The following APP variants were observed in gnomAD, a reference collection of about 807,000 sequenced individuals.
The protein encoded by APP is amyloid beta precursor protein.
APP carries 31 observed loss-of-function variants against 101.4 expected under a neutral mutation model. The observed-to-expected ratio is 0.31, with a 90% CI of 0.23 to 0.41. The LOEUF (loss-of-function observed/expected upper bound fraction) is 0.41. Among genes scored for constraint, APP ranks in the 10% least tolerant of loss-of-function variants. APP has a pLI of 1.00. For missense variants in APP, 839 were observed against 1,003.7 expected (o/e 0.84, Z 2.22); for synonymous variants, 366 against 364.4 (o/e 1.00, Z -0.05).
intron 16 of APP, among the ~76,000 whole-genome samples, chr21:25,895,171 A>G (rs566091256): frequency 7.3e-6 from 1 of 136,608 alleles, no homozygotes; most frequent in East Asian, 2.0e-4. Context: ...TAGTGTAAAT[A>G]CAAACTTTTT....
intron 1 of APP, among the ~76,000 whole-genome samples, chr21:26,115,161 C>A (rs1394178011): frequency 6.6e-6 from 1 of 152,062 alleles, no homozygotes; most frequent in Non-Finnish European, 1.5e-5. Flanking sequence ...AAGTGGAGAT[C>A]ATTTAATAAT....
intron 6 of APP, among the ~76,000 whole-genome samples, chr21:26,001,997 A>G (rs183078447): frequency 6.6e-6 from 1 of 152,362 alleles, no homozygotes; most frequent in East Asian, 1.9e-4. Context: ...AGTAGATGGG[A>G]TACTTACGTC....
At chr21:26,034,728 G>A (rs1465425994) in intron 5 of APP, among the ~76,000 whole-genome samples, 1 of 151,788 alleles carries the variant, frequency 6.6e-6, no homozygotes, top group Non-Finnish European at 1.5e-5. Context: ...TGACTAGAGA[G>A]ACCAATCAGG....
At chr21:25,976,094 G>T in intron 9 of APP, 66 bp from the exon 10 acceptor site, 2 of 1,295,000 alleles carry the variant, frequency 1.5e-6, no homozygotes, top group South Asian at 1.2e-5. Flanking sequence ...GACTTAATAG[G>T]ATGGATGATT....
intron 13 of APP, among the ~76,000 whole-genome samples, chr21:25,944,749 C>T (rs2040732317): frequency 6.6e-6 from 1 of 152,140 alleles, no homozygotes; most frequent in Non-Finnish European, 1.5e-5. Flanking sequence ...AAGGCAGATG[C>T]TTGTGAAAAA....
In APP at chr21:26,053,275, A is replaced by G. The variant is rs774664312; in HGVS notation, c.429T>C (p.Val143=). The G allele has an allele frequency of 3.1e-6, 5 of 1,613,992 alleles. No homozygotes were observed. The highest frequency in any genetic ancestry group is 4.2e-6 in the Non-Finnish European group (5 of 1,179,882). The change falls in exon 4 of 18, where the codon GTT becomes GTC. Residue 143 remains valine, a synonymous_variant. Transcript: ENST00000346798. ...TGTGCCAGTGAAGATGAGTTTCGCA[A>G]ACATCCATCCTCTCCTGGTGTAAGA... ...CKFLHQERMD[V]CETHLHWHTV...
At chr21:26,012,558 A>G (rs1479938380) in intron 6 of APP, among the ~76,000 whole-genome samples, 5 of 152,200 alleles carry the variant, frequency 3.3e-5, no homozygotes, top group Non-Finnish European at 5.9e-5. Context: ...TTAGGCTGTA[A>G]GCCACTCTGC....
chr21:26,062,345 G>GA (rs879587172), intron 3 of APP, among the ~76,000 whole-genome samples: 259 of 144,544 alleles, frequency 1.8e-3, no homozygotes, highest in African/African-American at 5.3e-3. Context: ...AAAGAGAAAA[G>GA]AAAAAAAAAA....
chr21:26,011,304 G>T (rs1382126559), intron 6 of APP, among the ~76,000 whole-genome samples: 1 of 152,006 alleles, frequency 6.6e-6, no homozygotes, highest in African/African-American at 2.4e-5. Flanking sequence ...TCAAACTCCT[G>T]ATCTCAAGTA....
intron 13 of APP, among the ~76,000 whole-genome samples, chr21:25,937,352 C>T (rs753617763): frequency 4.6e-5 from 7 of 152,176 alleles, no homozygotes; most frequent in Non-Finnish European, 7.3e-5. Context: ...TCTCAGGATT[C>T]GCACCTGGAG....
intron 5 of APP, among the ~76,000 whole-genome samples, chr21:26,045,370 G>A (rs940723816): frequency 3.3e-5 from 5 of 152,118 alleles, no homozygotes; most frequent in South Asian, 2.1e-4. Flanking sequence ...TTTCAGGTTC[G>A]TGCATGGCAG....
chr21:26,145,562 A>G (rs935486254), intron 1 of APP, among the ~76,000 whole-genome samples: 8 of 152,122 alleles, frequency 5.3e-5, no homozygotes, highest in Admixed American at 2.0e-4. Context: ...GCCATGGACC[A>G]GTACCTGTCC....
rs1204107258 is a variant in APP at position 25,880,781 on chromosome 21, C to A, written c.*889G>T. 1 of 152,270 alleles carries A rather than the reference C, an allele frequency of 6.6e-6. No homozygotes were observed. Among genetic ancestry groups the A allele is most frequent in the Non-Finnish European group, 1.5e-5 (1 of 68,028 alleles). 9.4% of individuals were successfully genotyped at this position (152,270 alleles called of 1,614,324 possible). On this transcript the variant is annotated 3_prime_UTR_variant, in exon 18 of 18. Coordinates refer to ENST00000346798, the MANE Select transcript of APP (RefSeq NM_000484.4). ...CGATTATTTAATGTCTGTAGTCATCCTTCAAAGAAAAGTCTTGCCCGGGGT... is the reference window on the plus strand; with the variant it reads ...CGATTATTTAATGTCTGTAGTCATCATTCAAAGAAAAGTCTTGCCCGGGGT...
intron 13 of APP, chr21:25,928,924 G>A (rs2040019907): frequency 6.6e-6 from 1 of 152,066 alleles, no homozygotes; most frequent in Admixed American, 6.5e-5. Flanking sequence ...GTTTCACCAT[G>A]TTGGCCGGGA....
chr21:26,010,774 CTG>C lies in APP; in HGVS notation c.866-10594_866-10593del, dbSNP rs1301667233. 5.7e-5 allele frequency among the ~76,000 whole-genome samples: 7 copies of C among 122,910 alleles called. No homozygotes were observed. The East Asian group carries it at 1.9e-3, about 33-fold the overall frequency. 80.6% of individuals were successfully genotyped at this position (122,910 alleles called of 152,430 possible). The stretch of plus-strand genomic sequence containing the variant: ...CAGCAGAGGTTGCAGTGAGCCAAGA[CTG>C]TGCCACTGCCTTCCAGCCTGGGTGA... On this transcript the variant is annotated intron_variant, in intron 6 of 17. Transcript: ENST00000346798.
chr21:25,974,695 T>C (rs2042160527), intron 11 of APP, among the ~76,000 whole-genome samples: 1 of 152,124 alleles, frequency 6.6e-6, no homozygotes, highest in Admixed American at 6.5e-5. Flanking sequence ...CAGTCTATGG[T>C]ATTCTGTTAC....
chr21:25,999,915 G>T, intron 7 of APP, 100 bp downstream of exon 7: 1 of 1,358,078 alleles, frequency 7.4e-7, no homozygotes. Context: ...GGTAGCAACA[G>T]GCCCATTCCC....
intron 3 of APP, among the ~76,000 whole-genome samples, chr21:26,084,393 A>G (rs1312408449): frequency 2.0e-5 from 3 of 150,016 alleles, no homozygotes; most frequent in African/African-American, 4.9e-5. Context: ...CGCCCGCACC[A>G]CGCCTGGCTA....
At chr21:25,887,518 A>G (rs1447258100) in intron 17 of APP, among the ~76,000 whole-genome samples, 13 of 36,180 alleles carry the variant, frequency 3.6e-4, no homozygotes, top group African/African-American at 1.6e-3. Context: ...TGCTTATTTG[A>G]AAAAAAAAAA....
Sources: gnomAD v4.1 joint callset for allele counts (sites outside exome capture counted in the v4.1 genomes callset) on GRCh38, gnomAD v4.1.1 for gene constraint, MANE v1.5 for transcripts, NCBI Gene and HGNC (gene_info 2026-07-23, HGNC 2026-07-21) for gene names.